Variants in TCN2 observed in about 807,000 individuals in gnomAD.
TCN2 encodes transcobalamin 2.
A neutral mutation model predicts 48.6 loss-of-function variants in TCN2; 34 were observed. That is an observed-to-expected ratio of 0.70 (90% confidence interval 0.53 to 0.93). TCN2 has a LOEUF of 0.93. TCN2 is among the 40% of genes least tolerant of loss of function. The pLI, the probability that TCN2 is intolerant of heterozygous loss-of-function variation, is 0.00. For missense variants in TCN2, 652 were observed against 526.1 expected, an observed-to-expected ratio of 1.24 and a Z score of -2.34; for synonymous variants, 283 against 212.5, an observed-to-expected ratio of 1.33 and a Z score of -2.89.
chr22:30,621,565 C>T (rs762115942), intron 7 of TCN2, among the ~76,000 whole-genome samples: 2 of 152,152 alleles, frequency 1.3e-5, no homozygotes, highest in South Asian at 2.1e-4. Context: ...TCACTGCAAC[C>T]TCCGCCTACT....
At chr22:30,621,738 C>T (rs530780188) in intron 7 of TCN2, among the ~76,000 whole-genome samples, 1 of 152,306 alleles carries the variant, frequency 6.6e-6, no homozygotes, top group South Asian at 2.1e-4. Flanking sequence ...CCCGCTTTGG[C>T]CTCCCAAAGT....
chr22:30,610,876 C>T lies in TCN2; in HGVS notation c.70C>T (p.Pro24Ser), dbSNP rs755866662. 40 of 1,614,000 alleles carry T rather than the reference C, an allele frequency of 2.5e-5. 5 individuals carry two copies. The Admixed American group carries it at 3.3e-4, about 13-fold the overall frequency. ...LGALTEMCEI[P>S]EMDSHLVEKL... The stretch of plus-strand genomic sequence containing the variant: ...GTACCATTTTCTTTTCTAAGAAATA[C>T]CAGAGATGGACAGCCATCTGGTAGA... Residue 24 changes from proline (P) to serine (S), a missense_variant, in exon 2 of 9, where the codon CCA becomes TCA. Physicochemically the swap from Pro to Ser is moderately conservative, Grantham distance 74. Transcript: ENST00000215838.
rs1198211935 is a variant in TCN2 at position 30,624,043 on chromosome 22, TACACAC to T, written c.1222+974_1222+979del. Among the ~76,000 whole-genome samples the T allele has an allele frequency of 3.1e-4, 9 of 28,626 alleles. 1 individual carries two copies. Among genetic ancestry groups the T allele is most frequent in the African/African-American group, 2.9e-3 (6 of 2,070 alleles). 18.8% of individuals were successfully genotyped at this position (28,626 alleles called of 152,430 possible). A position where few individuals can be genotyped will look rare whatever the true frequency, so the allele number is the denominator to read the frequency against. On this transcript the variant is annotated intron_variant, in intron 8 of 8. Coordinates refer to ENST00000215838, the MANE Select transcript of TCN2 (RefSeq NM_000355.4). ...ACACACATATATATGTATACATATA[TACACAC>T]ACACACACACACATATATATATATA...
At chr22:30,618,374 C>G (rs1194806823) in intron 7 of TCN2, among the ~76,000 whole-genome samples, 1 of 151,834 alleles carries the variant, frequency 6.6e-6, no homozygotes, top group Non-Finnish European at 1.5e-5. Context: ...TATTTCGAGA[C>G]AGAGCCTCTC....
chr22:30,616,303 G>A (rs1348200565), intron 6 of TCN2, among the ~76,000 whole-genome samples: 4 of 151,992 alleles, frequency 2.6e-5, no homozygotes, highest in Non-Finnish European at 5.9e-5. Flanking sequence ...GGCTAACATG[G>A]CGAAACTCCA....
At chr22:30,615,129 T>G (rs1200686371) in intron 4 of TCN2, among the ~76,000 whole-genome samples, 172 bp from the exon 5 acceptor site, 1 of 152,060 alleles carries the variant, frequency 6.6e-6, no homozygotes, top group African/African-American at 2.4e-5. Flanking sequence ...ACAAGGAAAG[T>G]CTTGGGCAGA....
intron 1 of TCN2, among the ~76,000 whole-genome samples, chr22:30,609,021 G>C (rs780166749): frequency 6.6e-6 from 1 of 151,776 alleles, no homozygotes; most frequent in Non-Finnish European, 1.5e-5. Context: ...CTTCCTCCTC[G>C]GTGTAGTACA....
rs1279321570 is a variant in TCN2, at chr22:30,622,978, C to T, written c.1117C>T (p.Gln373Ter). ...HELGGFTYET[Q>*]ASLSGPYLTS... ...CTTTCCCTTCTGTAGATATGAAACA[C>T]AGGCCTCCTTGTCAGGCCCCTACTT... The change falls in exon 8 of 9, where the codon CAG (glutamine) becomes TAG (stop). Residue 373 changes from glutamine to a stop codon, truncating the protein, a stop_gained. Transcript: ENST00000215838. LOFTEE classifies it high-confidence loss of function. 1.2e-6 allele frequency: 2 copies of T among 1,614,170 alleles called. No individual in the cohort carries two copies. The highest frequency in any genetic ancestry group is 1.7e-6 in the Non-Finnish European group (2 of 1,180,024).
At chr22:30,623,819 C>CATAT (rs1339960959) in intron 8 of TCN2, among the ~76,000 whole-genome samples, 431 of 44,976 alleles carry the variant, frequency 9.6e-3, no homozygotes, top group Non-Finnish European at 0.012. Flanking sequence ...TATATACACA[C>CATAT]ACATACACAC....
intron 6 of TCN2, among the ~76,000 whole-genome samples, chr22:30,616,815 A>G (rs146725589): frequency 1.7e-4 from 26 of 152,154 alleles, no homozygotes; most frequent in Non-Finnish European, 3.5e-4. Flanking sequence ...AAAAACAAGA[A>G]TGGATAGAGT....
intron 8 of TCN2, among the ~76,000 whole-genome samples, chr22:30,626,172 A>G (rs1303801861): frequency 2.6e-5 from 4 of 152,144 alleles, no homozygotes; most frequent in Non-Finnish European, 5.9e-5. Flanking sequence ...CTCTCTCCAG[A>G]CTGCACTGCG....
intron 7 of TCN2, among the ~76,000 whole-genome samples, chr22:30,620,158 T>TA (rs199715754): frequency 2.1e-5 from 3 of 145,786 alleles, no homozygotes; most frequent in Admixed American, 7.0e-5. Flanking sequence ...TTTTTTTTTT[T>TA]AAAAGACAAA....
chr22:30,626,820 C>G lies in TCN2; in HGVS notation c.*299C>G, dbSNP rs1315182251. On this transcript the variant is annotated 3_prime_UTR_variant, in exon 9 of 9. Coordinates refer to ENST00000215838, the MANE Select transcript of TCN2 (RefSeq NM_000355.4). The stretch of plus-strand genomic sequence containing the variant: ...TCTGATGGGCATGAAGCATCTCAGA[C>G]TCCTTGGCAAAAAACGGAGTCCGCA... The G allele has an allele frequency of 1.9e-5, 10 of 523,868 alleles. No individual in the cohort carries two copies. The highest frequency in any genetic ancestry group is 3.1e-5 in the Non-Finnish European group (9 of 288,958). The allele number at this position is 523,868 out of a possible 1,614,324, so 32.5% of individuals were successfully genotyped here.
rs190202002 is a variant in TCN2, at chr22:30,607,296, C to T, written c.-36C>T. 23 of 1,613,718 alleles carry T rather than the reference C, an allele frequency of 1.4e-5. No homozygotes were observed. The highest frequency in any genetic ancestry group is 3.3e-4 in the Middle Eastern group (2 of 6,040). ...CAGGGCCAGCCCCAGGAGTCTTTCC[C>T]GATTCTTGCTCACTGCTCACCCACC... On this transcript the variant is annotated 5_prime_UTR_variant, in exon 1 of 9. Coordinates refer to ENST00000215838, the MANE Select transcript of TCN2 (RefSeq NM_000355.4).
At chr22:30,615,549 A>T (rs1424276574) in intron 5 of TCN2, 52 bp from the exon 6 acceptor site, 3 of 1,613,652 alleles carry the variant, frequency 1.9e-6, no homozygotes, top group Admixed American at 1.7e-5. Flanking sequence ...TGGAACACCT[A>T]GCCCCTCCCT....
chr22:30,611,086 C>G, intron 2 of TCN2, 23 bp downstream of exon 2: 7 of 1,613,748 alleles, frequency 4.3e-6, no homozygotes, highest in Non-Finnish European at 5.1e-6. Context: ...TCTCTTTTTC[C>G]ATGTCTTGCT....
intron 4 of TCN2, among the ~76,000 whole-genome samples, chr22:30,614,969 G>A (rs2087591765): frequency 6.6e-6 from 1 of 152,132 alleles, no homozygotes; most frequent in South Asian, 2.1e-4. Flanking sequence ...AGCTAAGTTT[G>A]GAAATAGGTG....
intron 4 of TCN2, among the ~76,000 whole-genome samples, chr22:30,614,792 C>T (rs1299159005): frequency 6.6e-6 from 1 of 152,136 alleles, no homozygotes; most frequent in African/African-American, 2.4e-5. Context: ...GCCTGTAGTC[C>T]CAGCTACTCG....
intron 1 of TCN2, among the ~76,000 whole-genome samples, chr22:30,607,924 G>A (rs2087477547): frequency 2.0e-5 from 3 of 152,174 alleles, no homozygotes; most frequent in African/African-American, 7.2e-5. Flanking sequence ...AGACCAAGAG[G>A]ACACATGGGA....
Sources: allele counts gnomAD v4.1 joint callset (sites outside exome capture counted in the v4.1 genomes callset), GRCh38; gene constraint gnomAD v4.1.1; transcripts MANE v1.5; gene names NCBI Gene and HGNC (gene_info 2026-07-23, HGNC 2026-07-21).